Variants in HS6ST3 observed in about 807,000 individuals in gnomAD.
HS6ST3 encodes the protein heparan sulfate 6-O-sulfotransferase 3.
In HS6ST3, 12 loss-of-function variants were observed where a neutral mutation model predicts 36.7. That is an observed-to-expected ratio of 0.33 (90% CI 0.21 to 0.53). The LOEUF (loss-of-function observed/expected upper bound fraction) is 0.53. Among genes scored for constraint, HS6ST3 ranks in the 20% least tolerant of loss-of-function variants. The pLI, the probability that HS6ST3 is intolerant of heterozygous loss-of-function variation, is 0.95. For missense variants in HS6ST3, 584 were observed against 640.9 expected (o/e 0.91, Z 0.96); for synonymous variants, 240 against 257.5 (o/e 0.93, Z 0.65).
rs1878853573 is a variant in HS6ST3 at position 96,833,396 on chromosome 13, C to T, written c.*198C>T. 3 of 576,602 alleles carry T rather than the reference C, an allele frequency of 5.2e-6. No individual in the cohort carries two copies. Among genetic ancestry groups the T allele is most frequent in the African/African-American group, 3.7e-5 (2 of 53,544 alleles). The allele number at this position is 576,602 out of a possible 1,614,324, so 35.7% of individuals were successfully genotyped here. A position where few individuals can be genotyped will look rare whatever the true frequency, so the allele number is the denominator to read the frequency against. The stretch of plus-strand genomic sequence containing the variant: ...TGTTCTTTTTTTTCTTGACATTTTG[C>T]AATTGGTGATATTAAGTAGGGTAGG... On this transcript the variant is annotated 3_prime_UTR_variant, in exon 2 of 2. Transcript: ENST00000376705.
At chr13:96,303,937 G>C (rs554635172) in intron 1 of HS6ST3, among the ~76,000 whole-genome samples, 2 of 152,102 alleles carry the variant, frequency 1.3e-5, no homozygotes, top group Admixed American at 1.3e-4. Flanking sequence ...GAGGTCAGGA[G>C]TTCGAGACCA....
intron 1 of HS6ST3, among the ~76,000 whole-genome samples, chr13:96,167,487 A>G (rs1451200429): frequency 6.6e-6 from 1 of 152,158 alleles, no homozygotes; most frequent in Non-Finnish European, 1.5e-5. Context: ...TCATCGCCCA[A>G]GAATCTCCCA....
chr13:96,617,069 A>G (rs925468307), intron 1 of HS6ST3, among the ~76,000 whole-genome samples: 1 of 152,238 alleles, frequency 6.6e-6, no homozygotes, highest in Non-Finnish European at 1.5e-5. Context: ...ATTTATAGAT[A>G]TGACTTTTGT....
rs552014629 is a variant in HS6ST3, at chr13:96,193,351, C to A, written c.707+101782C>A. Among the ~76,000 whole-genome samples the A allele has an allele frequency of 1.2e-4, 19 of 152,228 alleles. No homozygotes were observed. The East Asian group carries it at 1.7e-3, about 14-fold the overall frequency. On this transcript the variant is annotated intron_variant, in intron 1 of 1. Transcript: ENST00000376705. Reference sequence around the variant, plus strand: ...CCATCCGCACTTTCAGCTCCCACTGCGTACTTGATTCCGTATTACTTGGGG... The same window carrying A: ...CCATCCGCACTTTCAGCTCCCACTGAGTACTTGATTCCGTATTACTTGGGG...
intron 1 of HS6ST3, among the ~76,000 whole-genome samples, chr13:96,482,567 A>AAAC (rs2138899011): frequency 6.6e-6 from 1 of 152,172 alleles, no homozygotes; most frequent in East Asian, 1.9e-4. Flanking sequence ...CATAATGATC[A>AAAC]AACGACTTGA....
intron 1 of HS6ST3, among the ~76,000 whole-genome samples, chr13:96,224,793 C>A (rs1043254830): frequency 6.6e-6 from 1 of 152,164 alleles, no homozygotes; most frequent in Non-Finnish European, 1.5e-5. Flanking sequence ...TGCTGTAGAC[C>A]AGTGATCCTT....
At chr13:96,825,484 G>A (rs1302690264) in intron 1 of HS6ST3, among the ~76,000 whole-genome samples, 1 of 152,142 alleles carries the variant, frequency 6.6e-6, no homozygotes, top group African/African-American at 2.4e-5. Context: ...CGGGTGCATG[G>A]CATTTCCTGA....
chr13:96,573,937 A>G (rs2056310681), intron 1 of HS6ST3: 1 of 531,188 alleles, frequency 1.9e-6, no homozygotes, highest in Non-Finnish European at 3.8e-6. Flanking sequence ...AGGTGACTGC[A>G]CAGATGTGCT....
In HS6ST3 at chr13:96,768,491, C is replaced by T. The variant is rs372588106; in HGVS notation, c.708-63999C>T. 1.2e-4 allele frequency among the ~76,000 whole-genome samples: 18 copies of T among 152,186 alleles called. No individual in the cohort carries two copies. In the East Asian group the frequency reaches 2.5e-3, roughly 21 times the overall value. ...CTTATCTAGGTTTTTCTTCCTTTCT[C>T]CTCAGACACAGTTGTTAGGGTATAG... On this transcript the variant is annotated intron_variant, in intron 1 of 1. Transcript: ENST00000376705.
At chr13:96,335,927 A>G (rs11620193) in intron 1 of HS6ST3, among the ~76,000 whole-genome samples, 2,178 of 152,316 alleles carry the variant, frequency 0.014, 25 homozygotes, top group East Asian at 0.054. Context: ...AGGAAGTATT[A>G]TAATAAACCT....
chr13:96,656,998 T>A (rs9556610), intron 1 of HS6ST3, among the ~76,000 whole-genome samples: 21,952 of 98,264 alleles, frequency 0.22, 2,587 homozygotes, highest in Non-Finnish European at 0.24. Flanking sequence ...TGTGTGTGTG[T>A]GAGAGAGAGA....
chr13:96,614,324 A>AC (rs1566411767), intron 1 of HS6ST3, among the ~76,000 whole-genome samples: 1 of 123,762 alleles, frequency 8.1e-6, no homozygotes, highest in Admixed American at 8.3e-5. Context: ...AAAAAAAAAA[A>AC]AAAACAGTTA....
chr13:96,264,787 A>C (rs1010839753), intron 1 of HS6ST3, among the ~76,000 whole-genome samples: 3 of 152,216 alleles, frequency 2.0e-5, no homozygotes, highest in Non-Finnish European at 4.4e-5. Flanking sequence ...CAAAGGTATA[A>C]GGCTTGGTTT....
intron 1 of HS6ST3, among the ~76,000 whole-genome samples, chr13:96,818,514 C>T (rs1410874048): frequency 6.6e-6 from 1 of 152,110 alleles, no homozygotes; most frequent in Non-Finnish European, 1.5e-5. Flanking sequence ...AGAAAAATAT[C>T]GTGGGTGGGA....
intron 1 of HS6ST3, among the ~76,000 whole-genome samples, chr13:96,248,473 T>C (rs1182543635): frequency 1.3e-5 from 2 of 152,232 alleles, no homozygotes; most frequent in African/African-American, 4.8e-5. Flanking sequence ...AGTGCATAAT[T>C]CCTTGCACAT....
chr13:96,245,541 C>G (rs1251178007), intron 1 of HS6ST3, among the ~76,000 whole-genome samples: 1 of 152,094 alleles, frequency 6.6e-6, no homozygotes, highest in Non-Finnish European at 1.5e-5. Context: ...TCACTCTGGT[C>G]CTCTTTCTAG....
At chr13:96,629,269 C>A (rs1231015547) in intron 1 of HS6ST3, among the ~76,000 whole-genome samples, 3 of 152,130 alleles carry the variant, frequency 2.0e-5, no homozygotes, top group Non-Finnish European at 4.4e-5. Flanking sequence ...TTTTTATAAT[C>A]CTCAGAAATT....
At chr13:96,518,922 A>G (rs529752535) in intron 1 of HS6ST3, among the ~76,000 whole-genome samples, 29 of 152,282 alleles carry the variant, frequency 1.9e-4, no homozygotes, top group African/African-American at 6.5e-4. Context: ...TCTAAAAACT[A>G]CAGGTTTCTA....
At chr13:96,474,971 T>C (rs1228945299) in intron 1 of HS6ST3, among the ~76,000 whole-genome samples, 1 of 152,220 alleles carries the variant, frequency 6.6e-6, no homozygotes, top group Non-Finnish European at 1.5e-5. Flanking sequence ...TATTGAAGCA[T>C]GTTATCTTAT....
Sources: gnomAD v4.1 joint callset for allele counts (sites outside exome capture counted in the v4.1 genomes callset) on GRCh38, gnomAD v4.1.1 for gene constraint, MANE v1.5 for transcripts, NCBI Gene and HGNC (gene_info 2026-07-23, HGNC 2026-07-21) for gene names.